Variants in CDH10 observed in about 807,000 individuals in gnomAD.
CDH10 encodes the protein cadherin 10.
A neutral mutation model predicts 73.1 loss-of-function variants in CDH10; 30 were observed. That is an observed-to-expected ratio of 0.41 (90% CI 0.31 to 0.56). The LOEUF (loss-of-function observed/expected upper bound fraction) is 0.56. Among genes scored for constraint, CDH10 ranks in the 20% least tolerant of loss-of-function variants. The probability of loss-of-function intolerance (pLI) is 0.27; values close to 1 mark genes in which losing one functional copy is unlikely to be tolerated. For missense variants in CDH10, 815 were observed against 973.7 expected (o/e 0.84, Z 2.17); for synonymous variants, 345 against 348.2 (o/e 0.99, Z 0.10).
chr5:24,642,468 A>T (rs982647313), intron 1 of CDH10, among the ~76,000 whole-genome samples: 4 of 152,154 alleles, frequency 2.6e-5, no homozygotes, highest in Non-Finnish European at 5.9e-5. Flanking sequence ...TTTTTCAACA[A>T]GAAAAAAAAC....
At chr5:24,641,325 G>A (rs1343839463) in intron 1 of CDH10, among the ~76,000 whole-genome samples, 1 of 151,714 alleles carries the variant, frequency 6.6e-6, no homozygotes, top group Non-Finnish European at 1.5e-5. Context: ...GTTTGAAATT[G>A]TTTCTTGTTC....
intron 2 of CDH10, among the ~76,000 whole-genome samples, chr5:24,583,204 T>TAA (rs35552025): frequency 0.016 from 2,298 of 144,022 alleles, 62 homozygotes; most frequent in East Asian, 0.084. Flanking sequence ...ATTTTTTAGT[T>TAA]AAAAAAAAAA....
intron 1 of CDH10, among the ~76,000 whole-genome samples, chr5:24,620,041 T>C (rs1379051850): frequency 2.0e-5 from 3 of 152,212 alleles, no homozygotes; most frequent in Non-Finnish European, 2.9e-5. Context: ...CTTGTAGCAG[T>C]AAAATAAATG....
At chr5:24,538,798 T>C (rs1394483961) in intron 2 of CDH10, among the ~76,000 whole-genome samples, 1 of 152,000 alleles carries the variant, frequency 6.6e-6, no homozygotes, top group African/African-American at 2.4e-5. Context: ...GCCAGATGGG[T>C]ATACCTCCTG....
At chr5:24,524,198 ATTT>A (rs1743442722) in intron 5 of CDH10, among the ~76,000 whole-genome samples, 1 of 152,148 alleles carries the variant, frequency 6.6e-6, no homozygotes, top group Admixed American at 6.6e-5. Context: ...TATTGGGTCT[ATTT>A]CAAAATTGAA....
chr5:24,525,497 T>C (rs1452694340), intron 5 of CDH10, among the ~76,000 whole-genome samples: 1 of 152,094 alleles, frequency 6.6e-6, no homozygotes, highest in Non-Finnish European at 1.5e-5. Context: ...CATTCCATTG[T>C]ATAATGCTTA....
chr5:24,509,037 C>G (rs1388554713), intron 7 of CDH10, among the ~76,000 whole-genome samples: 1 of 152,056 alleles, frequency 6.6e-6, no homozygotes, highest in Non-Finnish European at 1.5e-5. Flanking sequence ...AACCATGAAG[C>G]TTGTGCATGC....
intron 1 of CDH10, among the ~76,000 whole-genome samples, chr5:24,597,920 T>G (rs72752034): frequency 0.079 from 12,043 of 151,742 alleles, 582 homozygotes; most frequent in Middle Eastern, 0.12. Flanking sequence ...TTGATTAGGA[T>G]CCTAATGTAC....
intron 5 of CDH10, among the ~76,000 whole-genome samples, chr5:24,523,526 T>C (rs1215712514): frequency 2.6e-5 from 4 of 152,170 alleles, no homozygotes; most frequent in Non-Finnish European, 5.9e-5. Context: ...TTTGTTCCAT[T>C]AATTTTACTT....
At chr5:24,541,377 T>C (rs553001725) in intron 2 of CDH10, among the ~76,000 whole-genome samples, 1 of 152,140 alleles carries the variant, frequency 6.6e-6, no homozygotes, top group African/African-American at 2.4e-5. Context: ...TGCGGCACAA[T>C]TTTACTTCCT....
At chr5:24,518,648 C>T (rs1115579) in intron 5 of CDH10, among the ~76,000 whole-genome samples, 72,550 of 151,760 alleles carry the variant, frequency 0.48, 17,460 homozygotes, top group East Asian at 0.58. Context: ...TTGCAGGTTT[C>T]CCTGCCTCCA....
chr5:24,579,426 A>T, intron 2 of CDH10, among the ~76,000 whole-genome samples: 1 of 152,052 alleles, frequency 6.6e-6, no homozygotes, highest in Non-Finnish European at 1.5e-5. Context: ...GTTCCCTGCC[A>T]GATACTGCTG....
chr5:24,535,342 G>C, intron 4 of CDH10, 63 bp from the exon 5 acceptor site: 2 of 1,454,724 alleles, frequency 1.4e-6, no homozygotes, highest in Non-Finnish European at 1.9e-6. Flanking sequence ...ATTTTATTAA[G>C]TCCACAAAAA....
At chr5:24,567,152 C>T (rs893622934) in intron 2 of CDH10, among the ~76,000 whole-genome samples, 1 of 151,924 alleles carries the variant, frequency 6.6e-6, no homozygotes. Context: ...CATTACACTG[C>T]TATTATATAC....
At chr5:24,491,546 A>T (rs2111635173) in intron 11 of CDH10, 30 bp downstream of exon 11, 2 of 1,581,650 alleles carry the variant, frequency 1.3e-6, no homozygotes, top group Non-Finnish European at 1.7e-6. Context: ...GAGCCTAGAA[A>T]ATGCTCCCAT....
intron 1 of CDH10, among the ~76,000 whole-genome samples, chr5:24,617,662 T>G (rs1747170421): frequency 6.6e-6 from 1 of 152,178 alleles, no homozygotes; most frequent in African/African-American, 2.4e-5. Context: ...TAAAGAAATA[T>G]CTGACCACAA....
chr5:24,633,279 C>T (rs1190740362), intron 1 of CDH10, among the ~76,000 whole-genome samples: 1 of 151,604 alleles, frequency 6.6e-6, no homozygotes, highest in Admixed American at 6.6e-5. Flanking sequence ...ATAGGTCTTC[C>T]TCTTCTGCAA....
rs1741884038 is a variant in CDH10, at chr5:24,487,561, T to C, written c.*102A>G. ...AAGAAGTAAATGAGAAAAAAAATTG[T>C]GCTGACTGGCAGGAAAATGCTCCTG... On this transcript the variant is annotated 3_prime_UTR_variant, in exon 12 of 12. Transcript: ENST00000264463. 3 of 1,146,108 alleles carry C rather than the reference T, an allele frequency of 2.6e-6. No homozygotes were observed. The highest frequency in any genetic ancestry group is 3.1e-5 in the African/African-American group (2 of 64,374). 71.0% of individuals were successfully genotyped at this position (1,146,108 alleles called of 1,614,324 possible).
intron 11 of CDH10, among the ~76,000 whole-genome samples, chr5:24,490,290 T>C (rs1052119120): frequency 6.6e-5 from 10 of 152,120 alleles, no homozygotes; most frequent in Admixed American, 6.6e-4. Context: ...TTCCTCAATG[T>C]TTGTTGTACT....
Sources: allele counts gnomAD v4.1 joint callset (sites outside exome capture counted in the v4.1 genomes callset), GRCh38; gene constraint gnomAD v4.1.1; transcripts MANE v1.5; gene names NCBI Gene and HGNC (gene_info 2026-07-23, HGNC 2026-07-21).